The following PADI6 variants were observed in gnomAD, a reference collection of about 807,000 sequenced individuals.
The protein encoded by PADI6 is inactive protein-arginine deiminase type-6.
Under a neutral mutation model 78.2 loss-of-function variants are expected in PADI6, and 66 were observed. That is an observed-to-expected ratio of 0.84 (90% confidence interval 0.69 to 1.04). PADI6 has a LOEUF of 1.04. Ranked by LOEUF, PADI6 falls within the 50% of genes least tolerant of loss-of-function variation. The pLI is 0.00. For missense variants in PADI6, 854 were observed against 866.1 expected, an observed-to-expected ratio of 0.99 and a Z score of 0.18; for synonymous variants, 397 against 346.9, an observed-to-expected ratio of 1.14 and a Z score of -1.60.
At position 17,372,978 on chromosome 1, in the gene PADI6, C is replaced by T. The variant is rs189773096; in HGVS notation, c.117-78C>T. On this transcript the variant is annotated intron_variant, in intron 1 of 15. Transcript: ENST00000619609. ...AGGAGAATGAGGATTCGGGAGCCGT[C>T]CCCTCCCCCATGCCAGTCATCTCCT... 1.5e-3 allele frequency: 2,215 copies of T among 1,450,416 alleles called. 39 individuals are homozygous for T. Among genetic ancestry groups the T allele is most frequent in the Non-Finnish European group, 1.8e-4 (194 of 1,058,200 alleles). The allele number at this position is 1,450,416 out of a possible 1,614,324, so 89.8% of individuals were successfully genotyped here.
chr1:17,375,957 C>T (rs2075011720), intron 3 of PADI6, among the ~76,000 whole-genome samples: 1 of 151,558 alleles, frequency 6.6e-6, no homozygotes, highest in African/African-American at 2.4e-5. Flanking sequence ...AGCTCAGGAA[C>T]AAGCTCTATA....
chr1:17,373,129 G>A lies in PADI6; in HGVS notation c.190G>A (p.Val64Met), dbSNP rs1349509157. ...GGTCTTGATCGATGTGGCCAACACG[G>A]TGATTTCTGAGAAGGAGGACGCCAC... is the stretch of plus-strand genomic sequence containing the variant. Reference protein sequence around the residue: ...GRVLIDVANTVISEKEDATIW... With the variant: ...GRVLIDVANTMISEKEDATIW... The change falls in exon 2 of 16, where the codon GTG (valine) becomes ATG (methionine). Residue 64 changes from valine to methionine, a missense_variant. Val to Met is a conservative substitution (Grantham distance 21, BLOSUM62 1). Transcript: ENST00000619609. 3 of 1,613,914 alleles carry A rather than the reference G, an allele frequency of 1.9e-6. No homozygotes were observed. The African/African-American group carries it at 4.0e-5, about 22-fold the overall frequency.
chr1:17,391,798 G>A (rs1211284317), intron 8 of PADI6, among the ~76,000 whole-genome samples: 1 of 152,230 alleles, frequency 6.6e-6, no homozygotes, highest in Non-Finnish European at 1.5e-5. Flanking sequence ...CTGGGTGACA[G>A]AACGAAAGGA....
chr1:17,386,850 G>C (rs1375495672), intron 6 of PADI6, among the ~76,000 whole-genome samples: 1 of 152,238 alleles, frequency 6.6e-6, no homozygotes, highest in East Asian at 1.9e-4. Flanking sequence ...TGCCTAACCA[G>C]GGGCAGCCAC....
intron 9 of PADI6, 137 bp from the exon 10 acceptor site, chr1:17,393,836 AGG>A: frequency 2.8e-6 from 2 of 703,422 alleles, no homozygotes; most frequent in East Asian, 5.4e-5. Context: ...GCCTTCAAGA[AGG>A]GGTGATATCT....
intron 9 of PADI6, 113 bp downstream of exon 9, chr1:17,392,338 T>C: frequency 1.3e-6 from 1 of 766,442 alleles, no homozygotes. Flanking sequence ...GAAGCCTTGA[T>C]AGGGGCGGCC....
Position 17,373,242 on chromosome 1 carries a change from CAG to C in PADI6, c.294+10_294+11del, listed in dbSNP as rs1557594091. Reference sequence around the variant, plus strand: ...CCGTGGATGCGGATAAGGTAAGCCTCAGGGGAAGAGGTGAGGGGCATCTCCCG... The same window carrying C: ...CCGTGGATGCGGATAAGGTAAGCCTCGGGAAGAGGTGAGGGGCATCTCCCG... On this transcript the variant is annotated intron_variant, in intron 2 of 15. Transcript: ENST00000619609. 5.1e-5 allele frequency: 83 copies of C among 1,612,890 alleles called. No individual in the cohort carries two copies. The highest frequency in any genetic ancestry group is 7.0e-5 in the Non-Finnish European group (82 of 1,179,106).
At chr1:17,388,985 A>G in intron 8 of PADI6, 105 bp downstream of exon 8, 1 of 838,472 alleles carries the variant, frequency 1.2e-6, no homozygotes, top group Non-Finnish European at 1.9e-6. Flanking sequence ...ACCTCTCACC[A>G]GGAGAGTTGA....
At position 17,388,540 on chromosome 1, in the gene PADI6, T is replaced by TG. The variant is rs1385586466; in HGVS notation, c.841dup (p.Glu281GlyfsTer57). ...CTCATCTCCTACTCTGTGTCCCTGG[T>TG]GGAGGAGTCTCAAGACCCGGTATGT... On this transcript the variant is annotated frameshift_variant, in exon 7 of 16. Coordinates refer to ENST00000619609, the MANE Select transcript of PADI6 (RefSeq NM_207421.4). LOFTEE classifies it high-confidence loss of function. The TG allele has an allele frequency of 6.2e-7, 1 of 1,612,364 alleles. No homozygotes were observed. The highest frequency in any genetic ancestry group is 1.3e-5 in the African/African-American group (1 of 74,914).
At chr1:17,382,585 C>G (rs1039046077) in intron 6 of PADI6, among the ~76,000 whole-genome samples, 4 of 152,214 alleles carry the variant, frequency 2.6e-5, no homozygotes, top group Admixed American at 6.5e-5. Flanking sequence ...TTCAGCCCTC[C>G]TCTCCTGGGA....
chr1:17,374,275 G>A (rs80062775), intron 2 of PADI6, among the ~76,000 whole-genome samples: 1,625 of 152,136 alleles, frequency 0.011, 15 homozygotes, highest in Middle Eastern at 0.041. Context: ...ACCCACCTGC[G>A]CTGTGTGCCC....
chr1:17,372,413 C>A, intron 1 of PADI6, 52 bp downstream of exon 1: 1 of 1,533,440 alleles, frequency 6.5e-7, no homozygotes. Flanking sequence ...GCAGGCAGGC[C>A]TGGGACCCAG....
intron 15 of PADI6, among the ~76,000 whole-genome samples, chr1:17,400,523 T>C (rs2075292003): frequency 6.6e-6 from 1 of 152,036 alleles, no homozygotes; most frequent in Non-Finnish European, 1.5e-5. Flanking sequence ...TGTTTGTTTG[T>C]TTTTGTTTTT....
intron 8 of PADI6, among the ~76,000 whole-genome samples, chr1:17,389,589 C>T (rs1431842246): frequency 4.6e-5 from 7 of 152,176 alleles, no homozygotes; most frequent in African/African-American, 1.7e-4. Flanking sequence ...ATGCCAAAAT[C>T]CTGAACACGC....
At chr1:17,397,216 C>T in intron 14 of PADI6, 75 bp downstream of exon 14, 1 of 1,537,084 alleles carries the variant, frequency 6.5e-7, no homozygotes, top group East Asian at 2.3e-5. Context: ...TTTCCACCCA[C>T]CCCTCCTGAG....
At chr1:17,374,504 T>G (rs529131540) in intron 2 of PADI6, among the ~76,000 whole-genome samples, 118 of 152,280 alleles carry the variant, frequency 7.7e-4, no homozygotes, top group African/African-American at 2.8e-3. Context: ...CAGGTGCCTG[T>G]AATCTCAGGT....
intron 15 of PADI6, 119 bp from the exon 16 acceptor site, chr1:17,401,086 C>T (rs1212164973): frequency 2.4e-6 from 2 of 827,364 alleles, no homozygotes; most frequent in African/African-American, 3.4e-5. Flanking sequence ...GTTTCACTGA[C>T]CTGGAGGAGG....
At chr1:17,378,594 G>C (rs2075040835) in intron 3 of PADI6, among the ~76,000 whole-genome samples, 2 of 152,086 alleles carry the variant, frequency 1.3e-5, no homozygotes, top group East Asian at 3.8e-4. Context: ...AGATCCTTAA[G>C]TGTGTTTTTT....
intron 4 of PADI6, among the ~76,000 whole-genome samples, chr1:17,380,420 T>C (rs1570127973): frequency 6.6e-6 from 1 of 152,138 alleles, no homozygotes; most frequent in Non-Finnish European, 1.5e-5. Context: ...CAGGCTGGAG[T>C]GCAGTGGCAC....
Sources: gnomAD v4.1 joint callset for allele counts (sites outside exome capture counted in the v4.1 genomes callset) on GRCh38, gnomAD v4.1.1 for gene constraint, MANE v1.5 for transcripts, NCBI Gene and HGNC (gene_info 2026-07-23, HGNC 2026-07-21) for gene names.